C12orf56: variants seen among roughly 807,000 people sequenced by gnomAD.
The protein encoded by C12orf56 is uncharacterized protein C12orf56.
Under a neutral mutation model 69.9 loss-of-function variants are expected in C12orf56, and 71 were observed. The ratio of observed to expected loss-of-function variants is 1.02; its 90% CI spans 0.84 to 1.24. The LOEUF is 1.24. Ranked by LOEUF, C12orf56 falls within the 50% of genes most tolerant of loss-of-function variation. C12orf56 has a pLI of 0.00. For synonymous variants in C12orf56, 276 were observed against 274.1 expected (o/e 1.01, Z -0.07); for missense variants, 732 against 738.5 (o/e 0.99, Z 0.10).
rs149985162 is a variant in C12orf56, at chr12:64,338,533, C to G, written c.416-7501G>C. The G allele has an allele frequency of 6.2e-3, 8,109 of 1,302,422 alleles. 31 individuals carry two copies. The highest frequency in any genetic ancestry group is 8.0e-3 in the Non-Finnish European group (7,222 of 898,176). 80.7% of individuals were successfully genotyped at this position (1,302,422 alleles called of 1,614,324 possible). A position where few individuals can be genotyped will look rare whatever the true frequency, so the allele number is the denominator to read the frequency against. On this transcript the variant is annotated intron_variant, in intron 2 of 12. Coordinates refer to ENST00000543942, the MANE Select transcript of C12orf56 (RefSeq NM_001170633.2). ...GGTACAAACCTGTGGTAAGGTCATC[C>G]CTCACTCTGAGGACTTTGAGTCTTG...
At chr12:64,340,779 CCTT>C (rs1194237845) in intron 2 of C12orf56, among the ~76,000 whole-genome samples, 2 of 152,292 alleles carry the variant, frequency 1.3e-5, no homozygotes, top group East Asian at 3.9e-4. Flanking sequence ...TTGATGACTA[CCTT>C]CTTCTACTAC....
intron 1 of C12orf56, among the ~76,000 whole-genome samples, chr12:64,354,699 T>C (rs1240147024): frequency 6.7e-6 from 1 of 149,384 alleles, no homozygotes; most frequent in Non-Finnish European, 1.5e-5. Context: ...CCTCAGGACC[T>C]CAGGTGATCC....
chr12:64,308,278 T>C (rs1003136764), intron 5 of C12orf56, among the ~76,000 whole-genome samples: 6 of 152,124 alleles, frequency 3.9e-5, no homozygotes, highest in East Asian at 1.9e-4. Context: ...GCCAAGATCA[T>C]GCCACTGTAC....
intron 1 of C12orf56, among the ~76,000 whole-genome samples, chr12:64,388,195 C>T (rs1313577866): frequency 6.6e-6 from 1 of 152,164 alleles, no homozygotes; most frequent in Non-Finnish European, 1.5e-5. Context: ...GCCTCAGCCT[C>T]CCAAAGTGCT....
chr12:64,348,029 A>G (rs990393614), intron 2 of C12orf56, among the ~76,000 whole-genome samples: 3 of 152,210 alleles, frequency 2.0e-5, no homozygotes, highest in Non-Finnish European at 4.4e-5. Flanking sequence ...CTGTAATCCT[A>G]GTACTTTGGG....
intron 2 of C12orf56, among the ~76,000 whole-genome samples, chr12:64,352,065 C>T (rs1422804498): frequency 6.6e-6 from 1 of 151,118 alleles, no homozygotes; most frequent in Non-Finnish European, 1.5e-5. Context: ...AACATGCCAG[C>T]AAAAGAGTAA....
intron 3 of C12orf56, among the ~76,000 whole-genome samples, chr12:64,320,274 G>T (rs2038754351): frequency 6.6e-6 from 1 of 152,136 alleles, no homozygotes; most frequent in Non-Finnish European, 1.5e-5. Context: ...AGAACACAAG[G>T]CTTGCCACCA....
intron 3 of C12orf56, among the ~76,000 whole-genome samples, chr12:64,329,094 T>G (rs1565758917): frequency 6.6e-6 from 1 of 152,032 alleles, no homozygotes; most frequent in Non-Finnish European, 1.5e-5. Context: ...CTTTTTCTCC[T>G]TTTTAAATTT....
chr12:64,269,132 C>G (rs1285242584), intron 12 of C12orf56, among the ~76,000 whole-genome samples: 1 of 54,658 alleles, frequency 1.8e-5, no homozygotes, highest in Non-Finnish European at 3.6e-5. Flanking sequence ...AGAGTGAGAC[C>G]CTGTGTCAAA....
At chr12:64,321,644 A>G (rs530888900) in intron 3 of C12orf56, among the ~76,000 whole-genome samples, 1 of 152,070 alleles carries the variant, frequency 6.6e-6, no homozygotes, top group Middle Eastern at 3.4e-3. Context: ...CCAGCCTACA[A>G]TTTCTTAAGT....
chr12:64,302,630 TCATTAGCACCAC>T (rs2038461161), intron 6 of C12orf56, among the ~76,000 whole-genome samples: 1 of 152,066 alleles, frequency 6.6e-6, no homozygotes, highest in African/African-American at 2.4e-5. Flanking sequence ...CATGGAGGCC[TCATTAGCACCAC>T]CATTAGCACC....
intron 7 of C12orf56, among the ~76,000 whole-genome samples, chr12:64,285,447 G>A (rs542371199): frequency 3.9e-5 from 6 of 152,178 alleles, no homozygotes; most frequent in Middle Eastern, 3.4e-3. Flanking sequence ...AGTTTCTTGT[G>A]CATCCTTCCA....
In C12orf56 at chr12:64,275,292, T is replaced by C; in HGVS notation, c.1509+6A>G. ...TATGTAAAAATATAATTTTTAAAAA[T>C]TGTACCTGCTGAAAGACCAGAAGTA... is the stretch of plus-strand genomic sequence containing the variant. On this transcript the variant is annotated splice_donor_region_variant and intron_variant, in intron 10 of 12. Transcript: ENST00000543942. The C allele has an allele frequency of 3.0e-6, 4 of 1,321,498 alleles. No homozygotes were observed. The highest frequency in any genetic ancestry group is 3.1e-6 in the Non-Finnish European group (3 of 981,054). 81.9% of individuals were successfully genotyped at this position (1,321,498 alleles called of 1,614,324 possible).
At chr12:64,318,318 C>T (rs551697027) in intron 4 of C12orf56, among the ~76,000 whole-genome samples, 1 of 152,240 alleles carries the variant, frequency 6.6e-6, no homozygotes, top group Non-Finnish European at 1.5e-5. Context: ...CCACCTCGGC[C>T]TCCCAAAGTG....
intron 7 of C12orf56, among the ~76,000 whole-genome samples, chr12:64,285,513 C>T (rs1392916506): frequency 1.3e-5 from 2 of 152,056 alleles, no homozygotes; most frequent in African/African-American, 4.8e-5. Context: ...AGAGACCAGG[C>T]ATGGTGGCTC....
At chr12:64,366,940 CAT>C (rs1313557589) in intron 1 of C12orf56, among the ~76,000 whole-genome samples, 8 of 115,100 alleles carry the variant, frequency 7.0e-5, no homozygotes, top group Admixed American at 2.2e-4. Context: ...TTATATATAA[CAT>C]ACACTTTATA....
chr12:64,314,191 T>A (rs998017287), intron 4 of C12orf56, among the ~76,000 whole-genome samples: 1 of 151,888 alleles, frequency 6.6e-6, no homozygotes, highest in Non-Finnish European at 1.5e-5. Flanking sequence ...GCTCAAGCAG[T>A]CCTCCTGCCT....
chr12:64,389,952 G>GT (rs573030848), intron 1 of C12orf56, among the ~76,000 whole-genome samples: 147 of 152,202 alleles, frequency 9.7e-4, no homozygotes, highest in Non-Finnish European at 1.8e-3. Flanking sequence ...GCCCTCTTTC[G>GT]TTTTTGCATC....
At chr12:64,328,236 T>C (rs922857168) in intron 3 of C12orf56, among the ~76,000 whole-genome samples, 1 of 152,184 alleles carries the variant, frequency 6.6e-6, no homozygotes, top group African/African-American at 2.4e-5. Flanking sequence ...AATGCTTTTC[T>C]AATCTGGATA....
Sources: gnomAD v4.1 joint callset for allele counts (sites outside exome capture counted in the v4.1 genomes callset) on GRCh38, gnomAD v4.1.1 for gene constraint, MANE v1.5 for transcripts, NCBI Gene and HGNC (gene_info 2026-07-23, HGNC 2026-07-21) for gene names.